Variants in DLC1 observed in about 807,000 individuals in gnomAD.
DLC1 encodes DLC1 Rho GTPase activating protein, also known as rho GTPase-activating protein 7.
A neutral mutation model predicts 140.3 loss-of-function variants in DLC1; 54 were observed. That is an observed-to-expected ratio of 0.38 (90% confidence interval 0.31 to 0.48). The LOEUF is 0.48. Ranked by LOEUF, DLC1 falls within the 20% of genes least tolerant of loss-of-function variation. The pLI, the probability that DLC1 is intolerant of heterozygous loss-of-function variation, is 0.96. For synonymous variants in DLC1, 986 were observed against 728.1 expected, an observed-to-expected ratio of 1.35 and a Z score of -5.70; for missense variants, 2,536 against 1,907.0, an observed-to-expected ratio of 1.33 and a Z score of -6.14.
intron 4 of DLC1, among the ~76,000 whole-genome samples, chr8:13,319,428 C>G (rs1409082428): frequency 5.4e-5 from 8 of 147,722 alleles, no homozygotes; most frequent in Non-Finnish European, 8.9e-5. Context: ...CAAATTTCAT[C>G]TCGAATTGTA....
intron 4 of DLC1, among the ~76,000 whole-genome samples, chr8:13,387,261 T>C (rs1836565308): frequency 6.6e-6 from 1 of 152,032 alleles, no homozygotes; most frequent in Non-Finnish European, 1.5e-5. Context: ...AATAAACATT[T>C]CCAGTTTCTA....
At chr8:13,174,877 T>C (rs1825675011) in intron 5 of DLC1, among the ~76,000 whole-genome samples, 2 of 152,304 alleles carry the variant, frequency 1.3e-5, no homozygotes, top group Non-Finnish European at 1.5e-5. Flanking sequence ...GTCCCACCTG[T>C]CAATTTTTGG....
intron 4 of DLC1, among the ~76,000 whole-genome samples, chr8:13,390,305 T>C (rs1164121596): frequency 6.6e-6 from 1 of 152,222 alleles, no homozygotes; most frequent in Non-Finnish European, 1.5e-5. Flanking sequence ...TCTCATTCCT[T>C]TTTATGGCTG....
chr8:13,138,521 C>T (rs1822731621), intron 5 of DLC1, among the ~76,000 whole-genome samples: 1 of 152,196 alleles, frequency 6.6e-6, no homozygotes. Context: ...GACTCCTCTG[C>T]ACTTGGAAAA....
At chr8:13,472,462 G>T (rs145299382) in intron 2 of DLC1, among the ~76,000 whole-genome samples, 1 of 152,138 alleles carries the variant, frequency 6.6e-6, no homozygotes, top group African/African-American at 2.4e-5. Flanking sequence ...ATATTCTTGC[G>T]TAGAAATTCA....
At chr8:13,227,918 T>C (rs1828870199) in intron 5 of DLC1, among the ~76,000 whole-genome samples, 1 of 152,194 alleles carries the variant, frequency 6.6e-6, no homozygotes, top group South Asian at 2.1e-4. Flanking sequence ...GACATTTATA[T>C]AGATGGTATT....
intron 2 of DLC1, among the ~76,000 whole-genome samples, chr8:13,464,269 A>G (rs1488809903): frequency 6.6e-6 from 1 of 152,196 alleles, no homozygotes; most frequent in Non-Finnish European, 1.5e-5. Context: ...CAAAAGCAAC[A>G]GTAGCTACTC....
intron 4 of DLC1, among the ~76,000 whole-genome samples, chr8:13,316,866 T>G (rs954123444): frequency 2.6e-5 from 4 of 152,188 alleles, no homozygotes; most frequent in African/African-American, 7.2e-5. Flanking sequence ...CCTGTATAAC[T>G]AATCCCTTCT....
intron 1 of DLC1, among the ~76,000 whole-genome samples, chr8:13,501,641 G>A (rs1417080078): frequency 6.6e-6 from 1 of 152,164 alleles, no homozygotes; most frequent in East Asian, 1.9e-4. Flanking sequence ...TTTCCAGTCT[G>A]TAAAAACTGG....
intron 5 of DLC1, among the ~76,000 whole-genome samples, chr8:13,269,728 C>T (rs1445397951): frequency 8.8e-6 from 1 of 113,342 alleles, no homozygotes; most frequent in Non-Finnish European, 1.9e-5. Flanking sequence ...AAAAAAAAGA[C>T]ACATTATAAT....
At chr8:13,373,619 A>G (rs374554215) in intron 4 of DLC1, among the ~76,000 whole-genome samples, 10 of 152,336 alleles carry the variant, frequency 6.6e-5, no homozygotes, top group African/African-American at 2.4e-4. Flanking sequence ...ATTTTATTCA[A>G]TTCTCCAAAA....
intron 5 of DLC1, chr8:13,276,229 AC>A (rs2117404329): frequency 6.5e-7 from 1 of 1,530,028 alleles, no homozygotes; most frequent in South Asian, 1.2e-5. Flanking sequence ...AATACCCCTC[AC>A]CCCCGGTCTC....
intron 3 of DLC1, 34 bp from the exon 4 acceptor site, chr8:13,393,727 A>T: frequency 6.3e-7 from 1 of 1,591,542 alleles, no homozygotes; most frequent in Non-Finnish European, 8.6e-7. Context: ...TATGAAGGAC[A>T]TGTGAATGTT....
At chr8:13,094,126 G>A (rs1818307179) in intron 12 of DLC1, among the ~76,000 whole-genome samples, 1 of 152,174 alleles carries the variant, frequency 6.6e-6, no homozygotes, top group Non-Finnish European at 1.5e-5. Context: ...GGTGGAGACA[G>A]AAAGAGATCT....
Position 13,135,101 on chromosome 8 carries a change from G to T in DLC1, c.1349-19444C>A, listed in dbSNP as rs1035816779. Among the ~76,000 whole-genome samples, 6 of 152,160 alleles carry T rather than the reference G, an allele frequency of 3.9e-5. No individual in the cohort carries two copies. The East Asian group carries it at 9.6e-4, about 24-fold the overall frequency. On this transcript the variant is annotated intron_variant, in intron 5 of 17. Transcript: ENST00000276297. Reference sequence around the variant, plus strand: ...AGAGCCCACCGTCACCAGCAAGGGGGAGTGTGATTCAACGGGAGGCCAGGA... The same window carrying T: ...AGAGCCCACCGTCACCAGCAAGGGGTAGTGTGATTCAACGGGAGGCCAGGA...
intron 4 of DLC1, among the ~76,000 whole-genome samples, chr8:13,352,844 T>C (rs1834737637): frequency 6.6e-6 from 1 of 152,108 alleles, no homozygotes; most frequent in African/African-American, 2.4e-5. Flanking sequence ...CAATACTGAA[T>C]GCACACCTAC....
At chr8:13,179,693 C>T (rs997045852) in intron 5 of DLC1, among the ~76,000 whole-genome samples, 30 of 152,028 alleles carry the variant, frequency 2.0e-4, no homozygotes, top group African/African-American at 7.3e-4. Context: ...TGCATTCCAG[C>T]CTGGGCCACA....
chr8:13,274,961 G>A (rs924372497), intron 5 of DLC1, among the ~76,000 whole-genome samples: 1 of 152,160 alleles, frequency 6.6e-6, no homozygotes, highest in Non-Finnish European at 1.5e-5. Context: ...AATTGCAAAT[G>A]AGATCATACA....
At chr8:13,522,654 A>T (rs190810987) in intron 1 of DLC1, among the ~76,000 whole-genome samples, 4 of 151,948 alleles carry the variant, frequency 2.6e-5, no homozygotes, top group African/African-American at 7.2e-5. Context: ...AAATAAATAA[A>T]TATAAAAATA....
Sources: gnomAD v4.1 joint callset for allele counts (sites outside exome capture counted in the v4.1 genomes callset) on GRCh38, gnomAD v4.1.1 for gene constraint, MANE v1.5 for transcripts, NCBI Gene and HGNC (gene_info 2026-07-23, HGNC 2026-07-21) for gene names.